GPD2: variants seen among roughly 807,000 people sequenced by gnomAD.
GPD2 encodes glycerol-3-phosphate dehydrogenase, mitochondrial.
Under a neutral mutation model 82.4 loss-of-function variants are expected in GPD2, and 54 were observed. That is an observed-to-expected ratio of 0.66 (90% CI 0.53 to 0.82). GPD2 has a LOEUF of 0.82. GPD2 is among the 40% of genes least tolerant of loss of function. The probability of loss-of-function intolerance (pLI) is 0.00; values close to 1 mark genes in which losing one functional copy is unlikely to be tolerated. For synonymous variants in GPD2, 288 were observed against 306.1 expected (o/e 0.94, Z 0.62); for missense variants, 748 against 896.2 (o/e 0.83, Z 2.11).
the GPD2 span, among the ~76,000 whole-genome samples, chr2:156,427,054 G>C: frequency 6.6e-6 from 1 of 152,226 alleles, no homozygotes; most frequent in African/African-American, 2.4e-5. Context: ...GGGAGTTCTA[G>C]AGCATATATG....
chr2:156,455,116 C>T (rs1023835160), intron 1 of GPD2, among the ~76,000 whole-genome samples: 1 of 152,096 alleles, frequency 6.6e-6, no homozygotes, highest in Non-Finnish European at 1.5e-5. Flanking sequence ...TGGATTTGGA[C>T]TTCGTGCTGT....
chr2:156,545,819 C>T (rs977814424), intron 6 of GPD2, among the ~76,000 whole-genome samples: 2 of 151,974 alleles, frequency 1.3e-5, no homozygotes, highest in South Asian at 2.1e-4. Context: ...AACATAGTTG[C>T]CAAACTTTGA....
the GPD2 span, among the ~76,000 whole-genome samples, chr2:156,400,347 T>C: frequency 6.6e-6 from 1 of 152,240 alleles, no homozygotes; most frequent in African/African-American, 2.4e-5. Flanking sequence ...GCTCGAGGTT[T>C]GGACCGGGGT....
At chr2:156,427,260 T>A in the GPD2 span, among the ~76,000 whole-genome samples, 2 of 152,226 alleles carry the variant, frequency 1.3e-5, no homozygotes, top group Non-Finnish European at 2.9e-5. Context: ...AAATAAGTTC[T>A]GCTTGAAAGA....
At chr2:156,544,491 T>C (rs1175544428) in intron 6 of GPD2, among the ~76,000 whole-genome samples, 1 of 152,156 alleles carries the variant, frequency 6.6e-6, no homozygotes, top group Non-Finnish European at 1.5e-5. Flanking sequence ...ATTTTTGCAA[T>C]ATATTATATA....
upstream of GPD2, among the ~76,000 whole-genome samples, chr2:156,434,467 TA>T (rs11402925): frequency 2.6e-5 from 4 of 152,180 alleles, no homozygotes; most frequent in South Asian, 2.1e-4. Context: ...ATAATTTACA[TA>T]AAAAAACAAA....
chr2:156,423,921 A>G, the GPD2 span, among the ~76,000 whole-genome samples: 1 of 152,206 alleles, frequency 6.6e-6, no homozygotes, highest in Non-Finnish European at 1.5e-5. Context: ...TCCCCAGTGG[A>G]GTAAAAGCAG....
At position 156,577,110 on chromosome 2, in the gene GPD2, AT is replaced by A. The variant is rs1416667083; in HGVS notation, c.1768-1776del. Among the ~76,000 whole-genome samples the A allele has an allele frequency of 2.6e-5, 4 of 152,298 alleles. No individual in the cohort carries two copies. In the South Asian group the frequency reaches 8.3e-4, roughly 32 times the overall value. Reference sequence around the variant, plus strand: ...CACGTTGATAATTTTTAATTTTGTTATTTAAGAACATGAAGGAAGAATGTTT... The same window carrying A: ...CACGTTGATAATTTTTAATTTTGTTATTAAGAACATGAAGGAAGAATGTTT... On this transcript the variant is annotated intron_variant, in intron 13 of 16. Transcript: ENST00000438166.
At chr2:156,456,195 A>G (rs1682782204) in intron 1 of GPD2, among the ~76,000 whole-genome samples, 1 of 152,048 alleles carries the variant, frequency 6.6e-6, no homozygotes, top group Non-Finnish European at 1.5e-5. Context: ...AACAAATGTG[A>G]TTTTCTGGTT....
intron 6 of GPD2, among the ~76,000 whole-genome samples, chr2:156,519,005 C>T (rs1685297475): frequency 6.6e-6 from 1 of 152,144 alleles, no homozygotes; most frequent in African/African-American, 2.4e-5. Context: ...GGTGCACACA[C>T]CCATCCACTA....
chr2:156,415,476 C>T, the GPD2 span, among the ~76,000 whole-genome samples: 4 of 151,950 alleles, frequency 2.6e-5, no homozygotes, highest in Admixed American at 2.6e-4. Flanking sequence ...ATTCTTATGC[C>T]TTTGTGTCCT....
At chr2:156,465,893 G>T (rs1234404539) in intron 1 of GPD2, among the ~76,000 whole-genome samples, 3 of 152,074 alleles carry the variant, frequency 2.0e-5, no homozygotes, top group African/African-American at 7.2e-5. Context: ...CCTCCTCAAG[G>T]CAGATTTAAA....
chr2:156,545,647 G>T (rs1686500875), intron 6 of GPD2, among the ~76,000 whole-genome samples: 1 of 152,150 alleles, frequency 6.6e-6, no homozygotes, highest in Non-Finnish European at 1.5e-5. Context: ...ATGCTATATT[G>T]AAAGGAAGCT....
chr2:156,560,043 A>T (rs1346206979), intron 9 of GPD2, among the ~76,000 whole-genome samples: 8 of 152,232 alleles, frequency 5.3e-5, no homozygotes, highest in Non-Finnish European at 5.9e-5. Context: ...TTGGAGCAAG[A>T]TATAAAATTA....
intron 2 of GPD2, among the ~76,000 whole-genome samples, chr2:156,481,900 A>T (rs1683747273): frequency 2.0e-5 from 3 of 152,216 alleles, no homozygotes. Context: ...TATTGTGAAC[A>T]GCTAGTTCTG....
chr2:156,487,954 A>G (rs1193550853), intron 2 of GPD2, among the ~76,000 whole-genome samples: 1 of 152,208 alleles, frequency 6.6e-6, no homozygotes, highest in Non-Finnish European at 1.5e-5. Context: ...AAGTGTTTGG[A>G]TATTTTCTAA....
At chr2:156,523,850 A>G (rs1685509766) in intron 6 of GPD2, among the ~76,000 whole-genome samples, 1 of 152,108 alleles carries the variant, frequency 6.6e-6, no homozygotes, top group Non-Finnish European at 1.5e-5. Context: ...AGCCAACAAT[A>G]ATTTCTTAAT....
chr2:156,426,602 C>T, the GPD2 span, among the ~76,000 whole-genome samples: 1 of 152,184 alleles, frequency 6.6e-6, no homozygotes, highest in Admixed American at 6.5e-5. Flanking sequence ...TGGTGCTCAA[C>T]AAATACCCAT....
chr2:156,494,898 T>C (rs1684313208), intron 2 of GPD2, among the ~76,000 whole-genome samples: 3 of 152,236 alleles, frequency 2.0e-5, no homozygotes. Flanking sequence ...TGACTCTGCC[T>C]TCTGGCAACT....
Sources: gnomAD v4.1 joint callset for allele counts (sites outside exome capture counted in the v4.1 genomes callset) on GRCh38, gnomAD v4.1.1 for gene constraint, MANE v1.5 for transcripts, NCBI Gene and HGNC (gene_info 2026-07-23, HGNC 2026-07-21) for gene names.